SPATA18: variants seen among roughly 807,000 people sequenced by gnomAD.
The protein encoded by SPATA18 is mitochondria-eating protein.
Under a neutral mutation model 68.1 loss-of-function variants are expected in SPATA18, and 54 were observed. The ratio of observed to expected loss-of-function variants is 0.79; its 90% CI spans 0.64 to 0.99. The LOEUF is 0.99. Among genes scored for constraint, SPATA18 ranks in the 50% least tolerant of loss-of-function variants. The pLI, the probability that SPATA18 is intolerant of heterozygous loss-of-function variation, is 0.00. For synonymous variants in SPATA18, 242 were observed against 244.8 expected, an observed-to-expected ratio of 0.99 and a Z score of 0.11; for missense variants, 724 against 681.1, an observed-to-expected ratio of 1.06 and a Z score of -0.70.
At chr4:52,076,468 T>G (rs1740351006) in intron 6 of SPATA18, among the ~76,000 whole-genome samples, 1 of 152,078 alleles carries the variant, frequency 6.6e-6, no homozygotes, top group African/African-American at 2.4e-5. Context: ...ATAGGCCAAT[T>G]TGATGTATTA....
intron 6 of SPATA18, among the ~76,000 whole-genome samples, chr4:52,072,404 CT>C (rs978597189): frequency 6.0e-5 from 9 of 149,066 alleles, no homozygotes; most frequent in African/African-American, 9.8e-5. Context: ...AAGGAAAGTT[CT>C]TTTTTTTTTC....
chr4:52,084,169 TAAG>T (rs917002061), intron 10 of SPATA18, among the ~76,000 whole-genome samples: 7 of 152,182 alleles, frequency 4.6e-5, no homozygotes, highest in Admixed American at 3.3e-4. Flanking sequence ...CACACTCTGT[TAAG>T]AAGATCTTAT....
intron 6 of SPATA18, among the ~76,000 whole-genome samples, chr4:52,073,159 G>A (rs1740012845): frequency 6.6e-6 from 1 of 152,022 alleles, no homozygotes; most frequent in Admixed American, 6.5e-5. Flanking sequence ...ACTTGTATTG[G>A]CTTCCAATAA....
chr4:52,088,197 T>C (rs947564579), intron 11 of SPATA18, among the ~76,000 whole-genome samples: 6 of 152,354 alleles, frequency 3.9e-5, no homozygotes, highest in African/African-American at 7.2e-5. Flanking sequence ...TTTCTAAATA[T>C]ACAATCATGT....
chr4:52,079,789 C>G lies in SPATA18; in HGVS notation c.1225C>G (p.Pro409Ala), dbSNP rs766677469. Residue 409 changes from proline (P) to alanine (A), a missense_variant, in exon 9 of 13, where the codon CCT (proline) becomes GCT (alanine). By Grantham distance (27) the Pro-to-Ala change is conservative. Transcript: ENST00000295213. ...MNVNPKISFP[P>A]VVDFCLLSDF... ...TGTCAATCCCAAGATTTCATTCCCTCCTGTCGTTGACTTTTGCCTTCTCAG... is the reference window on the plus strand; with the variant it reads ...TGTCAATCCCAAGATTTCATTCCCTGCTGTCGTTGACTTTTGCCTTCTCAG... The G allele has an allele frequency of 6.2e-7, 1 of 1,613,866 alleles. No homozygotes were observed. The highest frequency in any genetic ancestry group is 8.5e-7 in the Non-Finnish European group (1 of 1,179,924).
intron 6 of SPATA18, 31 bp from the exon 7 acceptor site, chr4:52,076,748 A>G: frequency 6.2e-7 from 1 of 1,605,470 alleles, no homozygotes; most frequent in Middle Eastern, 1.7e-4. Flanking sequence ...AAATCAAAGG[A>G]TTTCCCTGGC....
intron 10 of SPATA18, chr4:52,082,766 T>G: frequency 7.7e-7 from 1 of 1,303,202 alleles, no homozygotes; most frequent in Non-Finnish European, 9.8e-7. Flanking sequence ...ATTTACCTCC[T>G]CCATCTTAGA....
chr4:52,051,813 C>T (rs370216775), intron 1 of SPATA18, 22 bp downstream of exon 1: 4 of 1,602,546 alleles, frequency 2.5e-6, no homozygotes, highest in East Asian at 4.5e-5. Flanking sequence ...TGAAAAACCC[C>T]CGGGGTTCGC....
At chr4:52,057,803 C>T (rs1738480433) in intron 1 of SPATA18, among the ~76,000 whole-genome samples, 1 of 152,226 alleles carries the variant, frequency 6.6e-6, no homozygotes, top group Non-Finnish European at 1.5e-5. Context: ...AATTGATGAA[C>T]ACCTTCTGTG....
At chr4:52,060,596 C>A in intron 2 of SPATA18, 72 bp downstream of exon 2, 1 of 1,451,786 alleles carries the variant, frequency 6.9e-7, no homozygotes, top group Non-Finnish European at 9.6e-7. Context: ...TTTTTGTGTT[C>A]TTTGACTGTT....
intron 4 of SPATA18, among the ~76,000 whole-genome samples, chr4:52,068,723 T>C (rs1384128094): frequency 2.0e-5 from 3 of 152,174 alleles, no homozygotes; most frequent in African/African-American, 4.8e-5. Flanking sequence ...TGGAAGGCAA[T>C]TGCACTATCT....
chr4:52,076,461 G>GGCCAATT (rs1199086102), intron 6 of SPATA18, among the ~76,000 whole-genome samples: 2 of 152,082 alleles, frequency 1.3e-5, no homozygotes, highest in African/African-American at 2.4e-5. Flanking sequence ...TCCATTAATA[G>GGCCAATT]GCCAATTTGA....
At chr4:52,077,545 G>A (rs1216684087) in intron 7 of SPATA18, among the ~76,000 whole-genome samples, 1 of 151,608 alleles carries the variant, frequency 6.6e-6, no homozygotes, top group Non-Finnish European at 1.5e-5. Flanking sequence ...TGGTTATATT[G>A]ACCAGGCATT....
In SPATA18 at chr4:52,096,808, A is replaced by G. The variant is rs558806343; in HGVS notation, c.*1921A>G. The G allele has an allele frequency of 6.6e-6, 1 of 152,208 alleles. No homozygotes were observed. The highest frequency in any genetic ancestry group is 1.9e-4 in the East Asian group (1 of 5,184). The allele number at this position is 152,208 out of a possible 1,614,324, so 9.4% of individuals were successfully genotyped here. On this transcript the variant is annotated 3_prime_UTR_variant, in exon 13 of 13. Transcript: ENST00000295213. The stretch of plus-strand genomic sequence containing the variant: ...TCTTGCCCTGATTTACACAGCAGTC[A>G]CATTCCTGGAAAATTCAAGTGTTTA...
rs558352402 is a variant in SPATA18 at position 52,058,582 on chromosome 4, T to C, written c.88-1837T>C. Among the ~76,000 whole-genome samples, 3 of 152,156 alleles carry C rather than the reference T, an allele frequency of 2.0e-5. No individual in the cohort carries two copies. In the South Asian group the frequency reaches 6.2e-4, roughly 32 times the overall value. ...GTCACAGAACCTTTGTCCTTGCTGT[T>C]CCCACTGCCTGGTAAGCTCTTTCCC... On this transcript the variant is annotated intron_variant, in intron 1 of 12. Transcript: ENST00000295213.
intron 4 of SPATA18, among the ~76,000 whole-genome samples, chr4:52,065,157 T>C (rs960094290): frequency 1.3e-5 from 2 of 152,140 alleles, no homozygotes; most frequent in African/African-American, 2.4e-5. Context: ...TCCTTGTAGA[T>C]TCTGGATATT....
In SPATA18 at chr4:52,082,364, C is replaced by CT. The variant is rs756328168; in HGVS notation, c.1356-16dup. 1.0e-5 allele frequency: 16 copies of CT among 1,607,270 alleles called. No homozygotes were observed. The Admixed American group carries it at 1.3e-4, about 13-fold the overall frequency. On this transcript the variant is annotated intron_variant, in intron 9 of 12. Transcript: ENST00000295213. The stretch of plus-strand genomic sequence containing the variant: ...CTCCATAATTGCTTAACTTCTCTTT[C>CT]TTTTTTTGTATATTGAAAACAGATA...
chr4:52,060,250 T>G (rs751413039), intron 1 of SPATA18, among the ~76,000 whole-genome samples, 169 bp from the exon 2 acceptor site: 3 of 152,304 alleles, frequency 2.0e-5, no homozygotes, highest in Middle Eastern at 3.4e-3. Context: ...TGTGGTCTAG[T>G]TTTGTGTCCA....
At chr4:52,086,347 T>C (rs1419601099) in intron 11 of SPATA18, among the ~76,000 whole-genome samples, 2 of 152,148 alleles carry the variant, frequency 1.3e-5, no homozygotes, top group Non-Finnish European at 1.5e-5. Context: ...GCCCTGGTGG[T>C]TTGATGCACC....
Sources: allele counts gnomAD v4.1 joint callset (sites outside exome capture counted in the v4.1 genomes callset), GRCh38; gene constraint gnomAD v4.1.1; transcripts MANE v1.5; gene names NCBI Gene and HGNC (gene_info 2026-07-23, HGNC 2026-07-21).